Variants in CSMD1 observed in about 807,000 individuals in gnomAD.
CSMD1 encodes the protein CUB and Sushi multiple domains 1.
CSMD1 carries 213 observed loss-of-function variants against 417.5 expected under a neutral mutation model. The observed-to-expected ratio is 0.51, with a 90% CI of 0.46 to 0.57. CSMD1 has a LOEUF of 0.57. Among genes scored for constraint, CSMD1 ranks in the 20% least tolerant of loss-of-function variants. The probability of loss-of-function intolerance (pLI) is 0.00; values close to 1 mark genes in which losing one functional copy is unlikely to be tolerated. For synonymous variants in CSMD1, 2,862 were observed against 1,736.8 expected (o/e 1.65, Z -16.11); for missense variants, 6,923 against 4,529.7 (o/e 1.53, Z -15.17).
intron 1 of CSMD1, among the ~76,000 whole-genome samples, chr8:4,843,936 G>C (rs956278093): frequency 5.9e-5 from 9 of 152,184 alleles, no homozygotes; most frequent in Non-Finnish European, 1.3e-4. Flanking sequence ...CAGAAGCTAA[G>C]ATAGAGAAAG....
intron 37 of CSMD1, among the ~76,000 whole-genome samples, chr8:3,166,127 C>T (rs935796892): frequency 6.6e-6 from 1 of 151,864 alleles, no homozygotes; most frequent in Non-Finnish European, 1.5e-5. Flanking sequence ...AGAAGGTAAG[C>T]TTGAGTCTAT....
intron 4 of CSMD1, among the ~76,000 whole-genome samples, chr8:4,023,905 C>G (rs1449661353): frequency 5.3e-5 from 8 of 151,638 alleles, no homozygotes; most frequent in Admixed American, 6.6e-5. Flanking sequence ...GCGTGAGCCA[C>G]AGCACCCGAC....
chr8:4,233,381 T>G (rs1017554138), intron 3 of CSMD1, among the ~76,000 whole-genome samples: 2 of 152,214 alleles, frequency 1.3e-5, no homozygotes, highest in Non-Finnish European at 2.9e-5. Context: ...CTAAGTACTA[T>G]GTTCTGAAAG....
At chr8:4,279,844 A>T (rs1326395348) in intron 3 of CSMD1, among the ~76,000 whole-genome samples, 2 of 152,162 alleles carry the variant, frequency 1.3e-5, no homozygotes, top group Admixed American at 6.5e-5. Flanking sequence ...TGCCTGCAGC[A>T]GCTCACTGTC....
chr8:4,910,356 C>T (rs1055229603), intron 1 of CSMD1, among the ~76,000 whole-genome samples: 1 of 152,112 alleles, frequency 6.6e-6, no homozygotes, highest in Non-Finnish European at 1.5e-5. Flanking sequence ...TCAATTTTGG[C>T]TGCTATAAAA....
At chr8:3,589,379 GGTGTGTGT>G (rs58729391) in intron 8 of CSMD1, among the ~76,000 whole-genome samples, 14 of 149,944 alleles carry the variant, frequency 9.3e-5, no homozygotes, top group African/African-American at 2.2e-4. Flanking sequence ...AAGAAAATGT[GGTGTGTGT>G]GTGTGTGTGT....
intron 5 of CSMD1, among the ~76,000 whole-genome samples, chr8:3,958,022 T>G (rs1031759062): frequency 1.3e-5 from 2 of 152,214 alleles, no homozygotes; most frequent in African/African-American, 4.8e-5. Context: ...AGAAGACAAC[T>G]AATAGAATAT....
intron 10 of CSMD1, among the ~76,000 whole-genome samples, chr8:3,532,049 C>G (rs370248842): frequency 1.3e-5 from 2 of 152,222 alleles, no homozygotes; most frequent in Admixed American, 6.5e-5. Flanking sequence ...CTGTCTAGAT[C>G]AGATACTGCC....
chr8:4,284,925 C>G (rs1344829468), intron 3 of CSMD1, among the ~76,000 whole-genome samples: 3 of 152,134 alleles, frequency 2.0e-5, no homozygotes, highest in Non-Finnish European at 2.9e-5. Context: ...CAGGATGCAC[C>G]AGTTAATTAC....
At chr8:4,934,815 T>A (rs952389037) in intron 1 of CSMD1, among the ~76,000 whole-genome samples, 4 of 152,128 alleles carry the variant, frequency 2.6e-5, no homozygotes, top group African/African-American at 7.2e-5. Flanking sequence ...CTACCTATCA[T>A]GTATCAATCA....
At chr8:4,579,046 G>C (rs1585278431) in intron 2 of CSMD1, among the ~76,000 whole-genome samples, 1 of 151,686 alleles carries the variant, frequency 6.6e-6, no homozygotes, top group African/African-American at 2.4e-5. Context: ...GTTAGACACT[G>C]CAAAAGATAT....
intron 7 of CSMD1, among the ~76,000 whole-genome samples, chr8:3,671,794 C>G (rs1799082834): frequency 6.6e-6 from 1 of 151,748 alleles, no homozygotes. Flanking sequence ...AAGAGCAGCC[C>G]TGGGCTTGGA....
chr8:4,554,796 C>T (rs913122157), intron 2 of CSMD1, among the ~76,000 whole-genome samples: 11 of 152,310 alleles, frequency 7.2e-5, no homozygotes, highest in South Asian at 2.1e-4. Context: ...CAGCAGCGTC[C>T]GTCCCTGTTG....
rs867420133 is a variant in CSMD1, at chr8:4,389,804, C to G, written c.415+30149G>C. The stretch of plus-strand genomic sequence containing the variant: ...CTATTAAAAATGTAAAGCCTTACAA[C>G]TACTTTATTTAAAGTACTCTAAAGC... On this transcript the variant is annotated intron_variant, in intron 3 of 69. Coordinates refer to ENST00000635120, the MANE Select transcript of CSMD1 (RefSeq NM_033225.6). Among the ~76,000 whole-genome samples, 5 of 152,160 alleles carry G rather than the reference C, an allele frequency of 3.3e-5. No homozygotes were observed. In the Middle Eastern group the frequency reaches 0.017, roughly 518 times the overall value.
intron 51 of CSMD1, among the ~76,000 whole-genome samples, chr8:3,024,316 G>T: frequency 6.6e-6 from 1 of 150,662 alleles, no homozygotes; most frequent in African/African-American, 2.4e-5. Context: ...GGGCAGTGGG[G>T]GAGGTTGGGG....
intron 3 of CSMD1, among the ~76,000 whole-genome samples, chr8:4,263,206 C>T (rs929973523): frequency 2.0e-5 from 3 of 149,404 alleles, no homozygotes; most frequent in Non-Finnish European, 4.5e-5. Context: ...TTCTAGTATT[C>T]GAGGGCTAAA....
chr8:4,341,730 T>G (rs530674208), intron 3 of CSMD1, among the ~76,000 whole-genome samples: 2 of 152,236 alleles, frequency 1.3e-5, no homozygotes, highest in African/African-American at 4.8e-5. Flanking sequence ...TTTCAACAAA[T>G]TAGAATTAGG....
intron 5 of CSMD1, among the ~76,000 whole-genome samples, chr8:3,926,075 A>AACACCATACACACACACACACACACACAC (rs1563218103): frequency 5.0e-4 from 12 of 24,206 alleles, no homozygotes; most frequent in Non-Finnish European, 7.4e-4. Flanking sequence ...CACACACACA[A>AACACCATACACACACACACACACACACAC]ACACCATACA....
chr8:2,985,019 A>C (rs1325962063), intron 54 of CSMD1, among the ~76,000 whole-genome samples: 2 of 152,236 alleles, frequency 1.3e-5, no homozygotes, highest in Non-Finnish European at 2.9e-5. Context: ...CAGATACTGG[A>C]ACAAATCAGA....
Sources: gnomAD v4.1 joint callset for allele counts (sites outside exome capture counted in the v4.1 genomes callset) on GRCh38, gnomAD v4.1.1 for gene constraint, MANE v1.5 for transcripts, NCBI Gene and HGNC (gene_info 2026-07-23, HGNC 2026-07-21) for gene names.